Variants in LARGE1 observed in about 807,000 individuals in gnomAD.
The protein encoded by LARGE1 is xylosyl- and glucuronyltransferase LARGE1.
Under a neutral mutation model 87.6 loss-of-function variants are expected in LARGE1, and 43 were observed. The observed-to-expected ratio is 0.49, with a 90% confidence interval of 0.38 to 0.63. LARGE1 has a LOEUF of 0.63. LARGE1 is among the 30% of genes least tolerant of loss of function. The pLI is 0.00. For synonymous variants in LARGE1, 434 were observed against 394.6 expected (o/e 1.10, Z -1.18); for missense variants, 802 against 1,000.2 (o/e 0.80, Z 2.67).
chr22:33,349,425 A>G (rs1288555305), intron 9 of LARGE1, among the ~76,000 whole-genome samples: 1 of 152,206 alleles, frequency 6.6e-6, no homozygotes, highest in Non-Finnish European at 1.5e-5. Flanking sequence ...TGTGGAATAT[A>G]CACGCTCCAT....
At chr22:33,814,869 A>G (rs2086604490) in intron 1 of LARGE1, among the ~76,000 whole-genome samples, 1 of 152,222 alleles carries the variant, frequency 6.6e-6, no homozygotes, top group South Asian at 2.1e-4. Context: ...CACCTATGTA[A>G]GTATGATCGC....
intron 2 of LARGE1, among the ~76,000 whole-genome samples, chr22:33,755,111 C>T (rs1351112045): frequency 6.6e-6 from 1 of 152,200 alleles, no homozygotes; most frequent in Non-Finnish European, 1.5e-5. Context: ...AGCCCAGTAT[C>T]GGAACCGTAT....
At chr22:33,259,325 CACA>C (rs1433844166) in intron 11 of LARGE1, among the ~76,000 whole-genome samples, 1 of 85,276 alleles carries the variant, frequency 1.2e-5, no homozygotes, top group Non-Finnish European at 3.1e-5. Flanking sequence ...GGGCAACACA[CACA>C]CACACACACA....
At chr22:33,557,793 C>T (rs2077736959) in intron 6 of LARGE1, among the ~76,000 whole-genome samples, 1 of 152,180 alleles carries the variant, frequency 6.6e-6, no homozygotes, top group Admixed American at 6.5e-5. Flanking sequence ...TCTTCAACTC[C>T]TGACCTCAGG....
chr22:33,425,997 C>T (rs778897962), intron 7 of LARGE1, among the ~76,000 whole-genome samples: 15 of 152,288 alleles, frequency 9.8e-5, no homozygotes, highest in South Asian at 4.1e-4. Flanking sequence ...CCACCCGCTT[C>T]GGCCTCCTAA....
chr22:33,455,261 T>C (rs548584016), intron 6 of LARGE1, among the ~76,000 whole-genome samples: 1 of 152,342 alleles, frequency 6.6e-6, no homozygotes, highest in Admixed American at 6.5e-5. Context: ...AGCAGCACTC[T>C]GGTATGTCCA....
At chr22:33,564,418 TA>T (rs1422892833) in intron 6 of LARGE1, among the ~76,000 whole-genome samples, 1 of 152,164 alleles carries the variant, frequency 6.6e-6, no homozygotes, top group Non-Finnish European at 1.5e-5. Flanking sequence ...CTTAAAATGA[TA>T]AACCACAACG....
At chr22:33,359,526 C>A (rs376141299) in intron 9 of LARGE1, among the ~76,000 whole-genome samples, 39 of 151,388 alleles carry the variant, frequency 2.6e-4, no homozygotes, top group East Asian at 2.5e-3. Flanking sequence ...GCAACTTAAG[C>A]AACCCTTAGA....
Position 33,799,666 on chromosome 22 carries a change from C to T in LARGE1, c.-82-38108G>A, listed in dbSNP as rs144429062. Among the ~76,000 whole-genome samples, 366 of 152,204 alleles carry T rather than the reference C, an allele frequency of 2.4e-3. 5 individuals are homozygous for T. The highest frequency in any genetic ancestry group is 8.1e-3 in the African/African-American group (337 of 41,534). On this transcript the variant is annotated intron_variant, in intron 1 of 14. Transcript: ENST00000397394. Reference sequence around the variant, plus strand: ...CAGGCTGGTCTCGAACTTCCAACCTCGGCAATCTGCCCGCCTCGGCCTCCC... The same window carrying T: ...CAGGCTGGTCTCGAACTTCCAACCTTGGCAATCTGCCCGCCTCGGCCTCCC...
chr22:33,651,153 C>G (rs549519618), intron 2 of LARGE1, among the ~76,000 whole-genome samples: 1 of 147,494 alleles, frequency 6.8e-6, no homozygotes. Flanking sequence ...GAGGCCAAGA[C>G]GGGCGGATCA....
chr22:33,693,806 G>A (rs1348505678), intron 2 of LARGE1, among the ~76,000 whole-genome samples: 8 of 151,930 alleles, frequency 5.3e-5, no homozygotes, highest in Non-Finnish European at 8.8e-5. Context: ...CCTGGGCAAC[G>A]GGGCGAGACT....
intron 6 of LARGE1, among the ~76,000 whole-genome samples, chr22:33,443,340 G>A (rs2067559087): frequency 6.6e-6 from 1 of 152,174 alleles, no homozygotes; most frequent in African/African-American, 2.4e-5. Context: ...GCTACAGCGG[G>A]CATCACCATG....
chr22:33,316,321 C>T, intron 10 of LARGE1, 73 bp from the exon 11 acceptor site: 1 of 1,442,934 alleles, frequency 6.9e-7, no homozygotes, highest in Non-Finnish European at 9.5e-7. Context: ...GCCCCTTGAG[C>T]CCTGCCCTCC....
At chr22:33,129,139 C>G in the LARGE1 span, among the ~76,000 whole-genome samples, 1 of 152,120 alleles carries the variant, frequency 6.6e-6, no homozygotes. Context: ...TTTGGTGAGT[C>G]ATAACCTCAA....
intron 6 of LARGE1, among the ~76,000 whole-genome samples, chr22:33,464,061 A>G (rs2068489005): frequency 6.6e-6 from 1 of 152,192 alleles, no homozygotes; most frequent in Non-Finnish European, 1.5e-5. Context: ...TATCAGGATT[A>G]TTATAAAGGC....
chr22:33,574,707 TG>T (rs1357411249), intron 5 of LARGE1, among the ~76,000 whole-genome samples: 31 of 115,372 alleles, frequency 2.7e-4, no homozygotes, highest in African/African-American at 1.4e-3. Context: ...TGTGTGTGTG[TG>T]TGTGTGTGTG....
chr22:33,124,859 C>T, the LARGE1 span, among the ~76,000 whole-genome samples: 1 of 152,156 alleles, frequency 6.6e-6, no homozygotes, highest in African/African-American at 2.4e-5. Flanking sequence ...AATTCAAGAG[C>T]AGGCTGGTGA....
chr22:33,718,513 AT>A (rs2082978444), intron 2 of LARGE1, among the ~76,000 whole-genome samples: 1 of 152,390 alleles, frequency 6.6e-6, no homozygotes, highest in Admixed American at 6.5e-5. Flanking sequence ...AGCTGAAGCC[AT>A]GATTTTTAAT....
intron 2 of LARGE1, among the ~76,000 whole-genome samples, chr22:33,677,482 C>T (rs367874959): frequency 6.6e-6 from 1 of 151,940 alleles, no homozygotes; most frequent in East Asian, 1.9e-4. Flanking sequence ...CATCTATCTC[C>T]CCCTTACCCC....
Sources: gnomAD v4.1 joint callset for allele counts (sites outside exome capture counted in the v4.1 genomes callset) on GRCh38, gnomAD v4.1.1 for gene constraint, MANE v1.5 for transcripts, NCBI Gene and HGNC (gene_info 2026-07-23, HGNC 2026-07-21) for gene names.